The following PARD3B variants were observed in gnomAD, a reference collection of about 807,000 sequenced individuals.
PARD3B encodes the protein par-3 family cell polarity regulator beta, also known as partitioning defective 3 homolog B.
A neutral mutation model predicts 130.2 loss-of-function variants in PARD3B; 103 were observed. That is an observed-to-expected ratio of 0.79 (90% CI 0.67 to 0.93). The LOEUF (loss-of-function observed/expected upper bound fraction) is 0.93. Among genes scored for constraint, PARD3B ranks in the 40% least tolerant of loss-of-function variants. The pLI, the probability that PARD3B is intolerant of heterozygous loss-of-function variation, is 0.00. For synonymous variants in PARD3B, 583 were observed against 553.2 expected (o/e 1.05, Z -0.76); for missense variants, 1,609 against 1,499.2 (o/e 1.07, Z -1.21).
chr2:204,792,335 AC>A (rs1245607312), intron 2 of PARD3B, among the ~76,000 whole-genome samples: 2 of 152,124 alleles, frequency 1.3e-5, no homozygotes, highest in African/African-American at 2.4e-5. Context: ...ATCCCTTTGA[AC>A]CTGCTTCACT....
chr2:204,747,844 G>T (rs1378957501), intron 2 of PARD3B, among the ~76,000 whole-genome samples: 1 of 151,958 alleles, frequency 6.6e-6, no homozygotes, highest in East Asian at 1.9e-4. Flanking sequence ...TGTAATCAAG[G>T]GTAGGTTAGC....
intron 4 of PARD3B, among the ~76,000 whole-genome samples, chr2:205,056,900 CATACACACACACACAT>C (rs1559395680): frequency 1.4e-5 from 2 of 141,934 alleles, no homozygotes; most frequent in South Asian, 2.2e-4. Context: ...CACACACACA[CATACACACACACACAT>C]ATATATATAT....
intron 1 of PARD3B, among the ~76,000 whole-genome samples, chr2:204,555,869 C>T (rs1348352085): frequency 6.6e-6 from 1 of 152,150 alleles, no homozygotes; most frequent in African/African-American, 2.4e-5. Context: ...TTCAGGAAGC[C>T]TTCCTAACCA....
rs1333048485 is a variant in PARD3B at position 205,159,818 on chromosome 2, G to A, written c.1620+911G>A. ...AGCTGCTCAGCCTTGACATGCCTCA[G>A]TTTCCTCATTTGTGAAATTAGCAGT... On this transcript the variant is annotated intron_variant, in intron 11 of 22. Transcript: ENST00000406610. Among the ~76,000 whole-genome samples the A allele has an allele frequency of 2.0e-5, 3 of 152,172 alleles. No individual in the cohort carries two copies. In the East Asian group the frequency reaches 5.8e-4, roughly 29 times the overall value.
intron 3 of PARD3B, among the ~76,000 whole-genome samples, chr2:205,044,764 C>G (rs902322184): frequency 1.2e-4 from 18 of 152,190 alleles, no homozygotes; most frequent in East Asian, 5.8e-4. Context: ...CCTGTTCACT[C>G]TGATGGTAGT....
intron 2 of PARD3B, among the ~76,000 whole-genome samples, chr2:204,800,590 C>T (rs983104978): frequency 1.3e-5 from 2 of 152,148 alleles, no homozygotes; most frequent in Non-Finnish European, 2.9e-5. Context: ...AATAATCAAA[C>T]TCCCAAAGGT....
At chr2:205,396,507 T>G (rs2046035601) in intron 18 of PARD3B, among the ~76,000 whole-genome samples, 1 of 152,190 alleles carries the variant, frequency 6.6e-6, no homozygotes, top group Non-Finnish European at 1.5e-5. Context: ...GGACAGGTGT[T>G]TTAAGCAAAC....
At chr2:205,254,464 G>A (rs563583257) in intron 16 of PARD3B, among the ~76,000 whole-genome samples, 2 of 152,060 alleles carry the variant, frequency 1.3e-5, no homozygotes, top group South Asian at 2.1e-4. Flanking sequence ...GGATGTATTG[G>A]TTTTCCTAAT....
chr2:205,248,732 C>T (rs1230357846), intron 16 of PARD3B, among the ~76,000 whole-genome samples: 4 of 150,354 alleles, frequency 2.7e-5, no homozygotes, highest in African/African-American at 4.9e-5. Context: ...CTCAGCCTCC[C>T]GAGTAGCTGG....
rs1226730163 is a variant in PARD3B at position 204,916,330 on chromosome 2, T to C, written c.223-48822T>C. Among the ~76,000 whole-genome samples the C allele has an allele frequency of 2.0e-5, 3 of 152,226 alleles. No homozygotes were observed. The East Asian group carries it at 5.8e-4, about 29-fold the overall frequency. Reference sequence around the variant, plus strand: ...AGATACATGGTTGTTTTGAACTTTATAGGTCAATTTTAGATTTAATTACCT... The same window carrying C: ...AGATACATGGTTGTTTTGAACTTTACAGGTCAATTTTAGATTTAATTACCT... On this transcript the variant is annotated intron_variant, in intron 2 of 22. Coordinates refer to ENST00000406610, the MANE Select transcript of PARD3B (RefSeq NM_001302769.2).
intron 2 of PARD3B, among the ~76,000 whole-genome samples, chr2:204,851,997 A>G (rs773489974): frequency 6.6e-6 from 1 of 152,172 alleles, no homozygotes; most frequent in Non-Finnish European, 1.5e-5. Flanking sequence ...CCAGCTGACA[A>G]TCTTTTTTCA....
At chr2:204,990,802 A>G (rs538506321) in intron 3 of PARD3B, among the ~76,000 whole-genome samples, 4 of 152,296 alleles carry the variant, frequency 2.6e-5, no homozygotes, top group African/African-American at 4.8e-5. Flanking sequence ...ACCTAAAGCC[A>G]TAGAGAGACT....
chr2:204,755,520 G>C (rs1004470088), intron 2 of PARD3B, among the ~76,000 whole-genome samples: 1 of 151,992 alleles, frequency 6.6e-6, no homozygotes, highest in African/African-American at 2.4e-5. Flanking sequence ...AAACCTCTTT[G>C]TTAAATGACA....
chr2:205,607,829 C>CAT (rs1491040849), intron 22 of PARD3B, among the ~76,000 whole-genome samples: 1 of 79,330 alleles, frequency 1.3e-5, no homozygotes, highest in Admixed American at 1.3e-4. Flanking sequence ...CCCCAACACC[C>CAT]ATACACACAC....
At chr2:204,882,257 G>A (rs539686270) in intron 2 of PARD3B, among the ~76,000 whole-genome samples, 11 of 152,160 alleles carry the variant, frequency 7.2e-5, no homozygotes, top group African/African-American at 2.4e-4. Flanking sequence ...AATCCATTGA[G>A]AAACCTTTGT....
chr2:204,988,848 G>C (rs189161715), intron 3 of PARD3B, among the ~76,000 whole-genome samples: 117 of 152,264 alleles, frequency 7.7e-4, no homozygotes, highest in Non-Finnish European at 1.2e-3. Flanking sequence ...GTTAAATGCT[G>C]TCCACGCCCT....
intron 20 of PARD3B, among the ~76,000 whole-genome samples, chr2:205,492,227 C>G (rs1202797660): frequency 5.9e-5 from 9 of 152,150 alleles, no homozygotes; most frequent in Non-Finnish European, 7.3e-5. Context: ...GGTATCATGT[C>G]AGAGATAATG....
At chr2:205,013,819 G>A (rs1695914194) in intron 3 of PARD3B, among the ~76,000 whole-genome samples, 1 of 152,184 alleles carries the variant, frequency 6.6e-6, no homozygotes, top group Non-Finnish European at 1.5e-5. Context: ...TTCCTGTTGG[G>A]ATGTGGGAAA....
intron 18 of PARD3B, among the ~76,000 whole-genome samples, chr2:205,374,343 A>G (rs1261073264): frequency 1.3e-5 from 2 of 152,078 alleles, no homozygotes; most frequent in East Asian, 3.9e-4. Flanking sequence ...TCCCGGTTCA[A>G]GCAATTCTCC....
Sources: allele counts gnomAD v4.1 joint callset (sites outside exome capture counted in the v4.1 genomes callset), GRCh38; gene constraint gnomAD v4.1.1; transcripts MANE v1.5; gene names NCBI Gene and HGNC (gene_info 2026-07-23, HGNC 2026-07-21).